Variants in TTC21B observed in about 807,000 individuals in gnomAD.
TTC21B encodes the protein tetratricopeptide repeat domain 21B.
A neutral mutation model predicts 175.1 loss-of-function variants in TTC21B; 127 were observed. That is an observed-to-expected ratio of 0.73 (90% CI 0.63 to 0.84). The LOEUF is 0.84. TTC21B is among the 40% of genes least tolerant of loss of function. The probability of loss-of-function intolerance (pLI) is 0.00; values close to 1 mark genes in which losing one functional copy is unlikely to be tolerated. For missense variants in TTC21B, 1,561 were observed against 1,558.3 expected, an observed-to-expected ratio of 1.00 and a Z score of -0.03; for synonymous variants, 524 against 524.5, an observed-to-expected ratio of 1.00 and a Z score of 0.01.
intron 3 of TTC21B, chr2:165,947,550 A>C (rs1203189795): frequency 2.6e-5 from 4 of 151,912 alleles, no homozygotes. Context: ...CAGAAATAAG[A>C]AAACAAACAA....
chr2:165,917,011 G>C (rs1240160002), intron 14 of TTC21B, among the ~76,000 whole-genome samples: 1 of 152,008 alleles, frequency 6.6e-6, no homozygotes. Flanking sequence ...CGAGCAGCTG[G>C]AACTACAGGT....
chr2:165,899,286 A>G (rs1294985126), intron 21 of TTC21B, among the ~76,000 whole-genome samples: 1 of 152,212 alleles, frequency 6.6e-6, no homozygotes, highest in Non-Finnish European at 1.5e-5. Context: ...TCATCTGTGT[A>G]GCTGTCTGCA....
intron 22 of TTC21B, among the ~76,000 whole-genome samples, chr2:165,892,400 T>C (rs897998513): frequency 6.6e-6 from 1 of 152,172 alleles, no homozygotes; most frequent in South Asian, 2.1e-4. Context: ...CAAACAGGTA[T>C]TCGTACACCA....
At chr2:165,937,874 A>G (rs564736132) in intron 6 of TTC21B, among the ~76,000 whole-genome samples, 385 of 151,316 alleles carry the variant, frequency 2.5e-3, no homozygotes, top group Non-Finnish European at 4.6e-3. Flanking sequence ...AATTACTAGT[A>G]CCCTAATTGT....
intron 25 of TTC21B, 50 bp downstream of exon 25, chr2:165,888,229 T>C (rs1208723829): frequency 1.5e-6 from 2 of 1,338,028 alleles, no homozygotes; most frequent in South Asian, 1.2e-5. Flanking sequence ...TATGTTTCTA[T>C]ACTACCAAAT....
In TTC21B at chr2:165,927,266, GTAGTTATATATATATATAT is replaced by G. The variant is rs1686696630; in HGVS notation, c.1386+1850_1386+1868del. ...AGTAGTTATATATATATATATCCTA[GTAGTTATATATATATATAT>G]CCTAGTAGTTATATATATATATTAT... On this transcript the variant is annotated intron_variant, in intron 11 of 28. Transcript: ENST00000243344. Among the ~76,000 whole-genome samples the G allele has an allele frequency of 5.7e-5, 3 of 52,852 alleles. 1 individual carries two copies. Among genetic ancestry groups the G allele is most frequent in the Non-Finnish European group, 1.1e-4 (3 of 27,614 alleles). The allele number at this position is 52,852 out of a possible 152,430, so 34.7% of individuals were successfully genotyped here. A position where few individuals can be genotyped will look rare whatever the true frequency, so the allele number is the denominator to read the frequency against.
chr2:165,908,129 G>T (rs1685804804), intron 18 of TTC21B, among the ~76,000 whole-genome samples: 1 of 152,160 alleles, frequency 6.6e-6, no homozygotes, highest in South Asian at 2.1e-4. Flanking sequence ...TAGAGTAGTT[G>T]CTATATGCAA....
intron 16 of TTC21B, among the ~76,000 whole-genome samples, 188 bp downstream of exon 16, chr2:165,913,386 T>A (rs1008601179): frequency 6.6e-6 from 1 of 152,192 alleles, no homozygotes; most frequent in Non-Finnish European, 1.5e-5. Flanking sequence ...AAAAATAGAA[T>A]CCATTTTTAA....
At chr2:165,889,368 T>A (rs1038605238) in intron 24 of TTC21B, among the ~76,000 whole-genome samples, 1 of 152,164 alleles carries the variant, frequency 6.6e-6, no homozygotes, top group African/African-American at 2.4e-5. Flanking sequence ...CCTTAAATGT[T>A]AGCAAGCTTA....
chr2:165,932,623 C>T (rs1321575470), intron 7 of TTC21B, among the ~76,000 whole-genome samples: 1 of 151,906 alleles, frequency 6.6e-6, no homozygotes, highest in African/African-American at 2.4e-5. Context: ...ATTTTGCATA[C>T]ATACTTTCTC....
At chr2:165,946,169 CAAAAAAA>C (rs3032577) in intron 3 of TTC21B, among the ~76,000 whole-genome samples, 5 of 116,608 alleles carry the variant, frequency 4.3e-5, no homozygotes, top group African/African-American at 7.1e-5. Flanking sequence ...ACTAAAGATA[CAAAAAAA>C]AAAAAAAAAA....
At chr2:165,939,567 T>G (rs1687288473) in intron 6 of TTC21B, among the ~76,000 whole-genome samples, 1 of 152,162 alleles carries the variant, frequency 6.6e-6, no homozygotes, top group East Asian at 1.9e-4. Flanking sequence ...ATATATTTAT[T>G]CTTGATCTCA....
rs868046163 is a variant in TTC21B, at chr2:165,888,664, G to A, written c.3264-190C>T. ...ATACAAAGTGAAGCACAGTTACAAT[G>A]CATTTTAAACAAAATTAATATGGAC... is the stretch of plus-strand genomic sequence containing the variant. On this transcript the variant is annotated intron_variant, in intron 24 of 28. Coordinates refer to ENST00000243344, the MANE Select transcript of TTC21B (RefSeq NM_024753.5). Among the ~76,000 whole-genome samples, 9 of 152,190 alleles carry A rather than the reference G, an allele frequency of 5.9e-5. No homozygotes were observed. The South Asian group carries it at 6.2e-4, about 11-fold the overall frequency.
chr2:165,948,230 A>G (rs1254916943), intron 3 of TTC21B: 1 of 150,990 alleles, frequency 6.6e-6, no homozygotes, highest in Non-Finnish European at 1.5e-5. Flanking sequence ...ACAGCTGAAT[A>G]GTGCATACCA....
rs1686554908 is a variant in TTC21B at position 165,924,622 on chromosome 2, C to G, written c.1443G>C (p.Leu481=). 4 of 1,613,632 alleles carry G rather than the reference C, an allele frequency of 2.5e-6. No individual in the cohort carries two copies. The African/African-American group carries it at 5.3e-5, about 22-fold the overall frequency. Residue 481 remains leucine (L), a synonymous_variant, in exon 12 of 29, where the codon CTG becomes CTC. Coordinates refer to ENST00000243344, the MANE Select transcript of TTC21B (RefSeq NM_024753.5). ...CTGGAACAGTTCTTACTACAGTCTC[C>G]AGGACTGAGATGCAACGCCTGAGAA... The part of the protein sequence containing the change: ...CPLLRRCISV[L]ETVVRTVPGL...
At chr2:165,951,950 G>C (rs1687773975) in intron 1 of TTC21B, among the ~76,000 whole-genome samples, 1 of 152,072 alleles carries the variant, frequency 6.6e-6, no homozygotes, top group Non-Finnish European at 1.5e-5. Flanking sequence ...GAGGATTTCA[G>C]AGCTGACTCT....
chr2:165,937,354 C>G (rs1187995831), intron 6 of TTC21B, among the ~76,000 whole-genome samples: 2 of 152,062 alleles, frequency 1.3e-5, no homozygotes, highest in Non-Finnish European at 2.9e-5. Flanking sequence ...CTGTATGATA[C>G]TATAATGGTG....
At chr2:165,941,298 G>C (rs958738216) in intron 5 of TTC21B, 114 bp from the exon 6 acceptor site, 1 of 1,173,268 alleles carries the variant, frequency 8.5e-7, no homozygotes, top group Non-Finnish European at 1.2e-6. Flanking sequence ...GTGAGGAGCA[G>C]TTATCACTTT....
intron 15 of TTC21B, among the ~76,000 whole-genome samples, chr2:165,914,375 G>T (rs1686065085): frequency 6.6e-6 from 1 of 152,094 alleles, no homozygotes; most frequent in African/African-American, 2.4e-5. Flanking sequence ...CATATCATTA[G>T]AGATGACAGT....
Sources: allele counts gnomAD v4.1 joint callset (sites outside exome capture counted in the v4.1 genomes callset), GRCh38; gene constraint gnomAD v4.1.1; transcripts MANE v1.5; gene names NCBI Gene and HGNC (gene_info 2026-07-23, HGNC 2026-07-21).